The following GNG12 variants were observed in gnomAD, a reference collection of about 807,000 sequenced individuals.
GNG12 encodes the protein G protein subunit gamma 12.
For synonymous variants in GNG12, 28 were observed against 29.7 expected, an observed-to-expected ratio of 0.94 and a Z score of 0.19; for missense variants, 69 against 83.8, an observed-to-expected ratio of 0.82 and a Z score of 0.69.
intron 1 of GNG12, among the ~76,000 whole-genome samples, chr1:67,781,229 T>C (rs1646735692): frequency 6.6e-6 from 1 of 152,172 alleles, no homozygotes; most frequent in South Asian, 2.1e-4. Context: ...ATCTAGAATG[T>C]AAAAGAATCC....
At chr1:67,733,089 A>G (rs982833992) in intron 2 of GNG12, among the ~76,000 whole-genome samples, 5 of 152,204 alleles carry the variant, frequency 3.3e-5, no homozygotes, top group African/African-American at 1.2e-4. Flanking sequence ...TTTAGTGTGC[A>G]TGGTGCAGAG....
chr1:67,736,995 T>C (rs1484720260), intron 2 of GNG12, among the ~76,000 whole-genome samples: 6 of 152,132 alleles, frequency 3.9e-5, no homozygotes, highest in South Asian at 2.1e-4. Flanking sequence ...CAACATCATA[T>C]AGGTACTAAA....
chr1:67,781,638 C>A (rs555117307), intron 1 of GNG12, among the ~76,000 whole-genome samples: 13 of 152,004 alleles, frequency 8.6e-5, no homozygotes, highest in Admixed American at 2.6e-4. Flanking sequence ...ATTGAAGAGG[C>A]AATAGTGAAC....
intron 1 of GNG12, among the ~76,000 whole-genome samples, chr1:67,818,796 T>C (rs1364494900): frequency 6.6e-6 from 1 of 152,176 alleles, no homozygotes; most frequent in Non-Finnish European, 1.5e-5. Flanking sequence ...TATTAACTCA[T>C]TTACATTTCA....
At chr1:67,749,484 T>A (rs1159914492) in intron 2 of GNG12, among the ~76,000 whole-genome samples, 1 of 152,212 alleles carries the variant, frequency 6.6e-6, no homozygotes, top group African/African-American at 2.4e-5. Context: ...AGGAGGAATG[T>A]CATCCTTTCC....
intron 2 of GNG12, among the ~76,000 whole-genome samples, chr1:67,715,197 G>A (rs1192224274): frequency 5.9e-5 from 9 of 152,262 alleles, no homozygotes; most frequent in South Asian, 2.1e-4. Flanking sequence ...GATTACAGGC[G>A]TGAGCCACTG....
intron 2 of GNG12, among the ~76,000 whole-genome samples, chr1:67,711,585 T>C (rs1430028054): frequency 6.6e-6 from 1 of 152,168 alleles, no homozygotes; most frequent in Non-Finnish European, 1.5e-5. Context: ...GAGGTGACAG[T>C]CTGTCTGGGT....
chr1:67,741,416 G>T (rs916975631), intron 2 of GNG12, among the ~76,000 whole-genome samples: 1 of 152,184 alleles, frequency 6.6e-6, no homozygotes, highest in Non-Finnish European at 1.5e-5. Context: ...GACCCTGGAA[G>T]AAAGTTCACC....
chr1:67,811,474 C>T (rs879599512), intron 1 of GNG12, among the ~76,000 whole-genome samples: 1 of 152,188 alleles, frequency 6.6e-6, no homozygotes, highest in Admixed American at 6.5e-5. Context: ...AATAATACTT[C>T]CTGGGGTTTC....
At chr1:67,787,067 G>A (rs866012944) in intron 1 of GNG12, among the ~76,000 whole-genome samples, 3,124 of 146,072 alleles carry the variant, frequency 0.021, 143 homozygotes, top group African/African-American at 0.08. Flanking sequence ...GTGTGTGTGT[G>A]TGTATAGTCC....
chr1:67,752,161 C>G (rs928760375), intron 2 of GNG12, among the ~76,000 whole-genome samples: 5 of 152,154 alleles, frequency 3.3e-5, no homozygotes, highest in African/African-American at 1.2e-4. Context: ...CTTTGATCAG[C>G]TCTTACAGGA....
At chr1:67,800,801 T>A (rs187169904) in intron 1 of GNG12, among the ~76,000 whole-genome samples, 3 of 152,238 alleles carry the variant, frequency 2.0e-5, no homozygotes, top group African/African-American at 7.2e-5. Context: ...AATGAAAACG[T>A]CAAATAATAT....
chr1:67,797,898 C>T (rs17130305), intron 1 of GNG12, among the ~76,000 whole-genome samples: 15,131 of 152,134 alleles, frequency 0.099, 896 homozygotes, highest in African/African-American at 0.11. Context: ...TGAGGTGACA[C>T]GCGTCTCCAC....
chr1:67,733,503 T>C (rs1349277848), intron 2 of GNG12, among the ~76,000 whole-genome samples: 1 of 152,218 alleles, frequency 6.6e-6, no homozygotes, highest in Non-Finnish European at 1.5e-5. Flanking sequence ...GTTCTGCAAT[T>C]GCATTTTTCA....
chr1:67,778,032 A>G (rs1173196891), intron 1 of GNG12, among the ~76,000 whole-genome samples: 1 of 151,322 alleles, frequency 6.6e-6, no homozygotes, highest in Non-Finnish European at 1.5e-5. Flanking sequence ...CCCAAGCCAC[A>G]TACTATTAAA....
intron 2 of GNG12, among the ~76,000 whole-genome samples, chr1:67,751,215 G>A (rs959265148): frequency 6.8e-6 from 1 of 147,154 alleles, no homozygotes; most frequent in African/African-American, 2.6e-5. Flanking sequence ...ACACACACGT[G>A]CATATACACA....
intron 2 of GNG12, among the ~76,000 whole-genome samples, chr1:67,746,939 T>G (rs1042651672): frequency 1.1e-4 from 16 of 152,084 alleles, no homozygotes; most frequent in Non-Finnish European, 2.2e-4. Flanking sequence ...AGTGTGTGTT[T>G]TTTTTTTCTT....
At chr1:67,793,633 G>T (rs539446711) in intron 1 of GNG12, among the ~76,000 whole-genome samples, 1 of 152,066 alleles carries the variant, frequency 6.6e-6, no homozygotes, top group African/African-American at 2.4e-5. Flanking sequence ...TCCCTCTCGG[G>T]CTGTGCAAGT....
intron 2 of GNG12, among the ~76,000 whole-genome samples, chr1:67,755,861 T>C (rs529500037): frequency 6.6e-6 from 1 of 152,300 alleles, no homozygotes; most frequent in Admixed American, 6.5e-5. Context: ...ATCCTGGTTC[T>C]AGGAGATCAC....
Sources: allele counts gnomAD v4.1 joint callset (sites outside exome capture counted in the v4.1 genomes callset), GRCh38; gene constraint gnomAD v4.1.1; transcripts MANE v1.5; gene names NCBI Gene and HGNC (gene_info 2026-07-23, HGNC 2026-07-21).